The following CDH7 variants were observed in gnomAD, a reference collection of about 807,000 sequenced individuals.
CDH7 encodes cadherin-7.
CDH7 carries 25 observed loss-of-function variants against 71.8 expected under a neutral mutation model. The observed-to-expected ratio is 0.35, with a 90% CI of 0.25 to 0.49. The LOEUF is 0.49. CDH7 is among the 20% of genes least tolerant of loss of function. CDH7 has a pLI of 0.99. For synonymous variants in CDH7, 381 were observed against 363.8 expected, an observed-to-expected ratio of 1.05 and a Z score of -0.54; for missense variants, 862 against 974.6, an observed-to-expected ratio of 0.88 and a Z score of 1.54.
chr18:65,781,563 A>G (rs1378774749), intron 2 of CDH7, among the ~76,000 whole-genome samples: 2 of 152,164 alleles, frequency 1.3e-5, no homozygotes, highest in South Asian at 2.1e-4. Flanking sequence ...AAAAGGCTAC[A>G]TTGTTGGAGA....
intron 2 of CDH7, among the ~76,000 whole-genome samples, chr18:65,777,176 G>C (rs1598995764): frequency 6.6e-6 from 1 of 152,120 alleles, no homozygotes; most frequent in East Asian, 1.9e-4. Context: ...TGAAAGACCT[G>C]ATGCTGAAAG....
chr18:65,879,941 C>A (rs866924182), intron 11 of CDH7, among the ~76,000 whole-genome samples: 6 of 152,282 alleles, frequency 3.9e-5, no homozygotes, highest in Middle Eastern at 3.4e-3. Context: ...GTAGGCATTT[C>A]TTCAAAGAAC....
chr18:65,768,436 A>AT (rs931915570), intron 2 of CDH7, among the ~76,000 whole-genome samples: 1 of 152,114 alleles, frequency 6.6e-6, no homozygotes, highest in African/African-American at 2.4e-5. Flanking sequence ...GGGTTTCACC[A>AT]TGTAGGCCAG....
At position 65,887,589 on chromosome 18, in the gene CDH7, GTA is replaced by G. The variant is rs1459748627; in HGVS notation, c.*6697_*6698del. On this transcript the variant is annotated 3_prime_UTR_variant, in exon 12 of 12. Transcript: ENST00000397968. ...GTATTTGTCTTTGAATTTTGTGTGC[GTA>G]TGTGTGTGTGTATATATAGACAGCA... The G allele has an allele frequency of 6.6e-6, 1 of 152,032 alleles. No homozygotes were observed. Among genetic ancestry groups the G allele is most frequent in the African/African-American group, 2.4e-5 (1 of 41,390 alleles). 9.4% of individuals were successfully genotyped at this position (152,032 alleles called of 1,614,324 possible).
chr18:65,853,706 C>T (rs1913227610), intron 7 of CDH7, among the ~76,000 whole-genome samples: 1 of 151,582 alleles, frequency 6.6e-6, no homozygotes, highest in Non-Finnish European at 1.5e-5. Context: ...AAGTCAATAC[C>T]TTTCTGCAAA....
intron 7 of CDH7, among the ~76,000 whole-genome samples, chr18:65,850,605 TTATTATTATTA>T (rs869076763): frequency 1.4e-5 from 2 of 139,092 alleles, no homozygotes; most frequent in Non-Finnish European, 3.1e-5. Flanking sequence ...ATTATTATTA[TTATTATTATTA>T]TTCATATCTT....
At chr18:65,803,548 G>T (rs1216112115) in intron 2 of CDH7, 2 of 151,822 alleles carry the variant, frequency 1.3e-5, no homozygotes, top group South Asian at 2.1e-4. Context: ...TATAAATTAG[G>T]AATACTTCAA....
Position 65,774,181 on chromosome 18 carries a change from C to CTTA in CDH7, c.210+11145_210+11147dup, listed in dbSNP as rs146445056. On this transcript the variant is annotated intron_variant, in intron 2 of 11. Transcript: ENST00000397968. ...TCCCTCTATTAATACAAGCCATGATCTTATTATTATTATTATTACTGTTAT... is the reference window on the plus strand; with the variant it reads ...TCCCTCTATTAATACAAGCCATGATCTTATTATTATTATTATTATTACTGTTAT... 3.0e-4 allele frequency among the ~76,000 whole-genome samples: 46 copies of CTTA among 151,396 alleles called. No homozygotes were observed. In the East Asian group the frequency reaches 5.7e-3, roughly 19 times the overall value.
intron 11 of CDH7, 148 bp from the exon 12 acceptor site, chr18:65,880,253 C>G: frequency 1.3e-6 from 1 of 748,688 alleles, no homozygotes; most frequent in South Asian, 2.4e-5. Context: ...ACATCTACCG[C>G]TGTGAATCCT....
At chr18:65,869,527 T>G (rs2628203) in intron 11 of CDH7, among the ~76,000 whole-genome samples, 113,277 of 144,120 alleles carry the variant, frequency 0.79, 44,739 homozygotes, top group East Asian at 0.96. Context: ...CCTCTTCCCA[T>G]AATCTACAAG....
In CDH7 at chr18:65,794,900, C is replaced by T. The variant is rs570589853; in HGVS notation, c.211-14804C>T. Among the ~76,000 whole-genome samples, 9 of 152,236 alleles carry T rather than the reference C, an allele frequency of 5.9e-5. No homozygotes were observed. The South Asian group carries it at 1.9e-3, about 32-fold the overall frequency. On this transcript the variant is annotated intron_variant, in intron 2 of 11. Transcript: ENST00000397968. ...TAGGACGGTAATGCCTACCACAAAA[C>T]TTTGTCAGAAGAATTAAAGGTCCCT...
At chr18:65,804,698 A>ATGTGTGTGTGTG (rs1911248919) in intron 2 of CDH7, among the ~76,000 whole-genome samples, 3 of 38,776 alleles carry the variant, frequency 7.7e-5, no homozygotes, top group Non-Finnish European at 7.8e-5. Flanking sequence ...CCCTTAACAC[A>ATGTGTGTGTGTG]CGTGTGTGTG....
chr18:65,788,036 A>G (rs1293735917), intron 2 of CDH7, among the ~76,000 whole-genome samples: 3 of 152,140 alleles, frequency 2.0e-5, no homozygotes, highest in Non-Finnish European at 4.4e-5. Context: ...AAAAACATAT[A>G]TTAACTCTAA....
chr18:65,779,257 C>A (rs868363969), intron 2 of CDH7, among the ~76,000 whole-genome samples: 1 of 72,880 alleles, frequency 1.4e-5, no homozygotes. Flanking sequence ...AGAAAACATT[C>A]TTTTTTTTTT....
intron 2 of CDH7, among the ~76,000 whole-genome samples, chr18:65,764,109 T>C (rs1358001446): frequency 6.6e-6 from 1 of 152,126 alleles, no homozygotes; most frequent in Non-Finnish European, 1.5e-5. Context: ...AAATCAGTTT[T>C]TCAACTTTAA....
chr18:65,835,565 T>A (rs1912503104), intron 6 of CDH7, among the ~76,000 whole-genome samples: 1 of 152,176 alleles, frequency 6.6e-6, no homozygotes, highest in Non-Finnish European at 1.5e-5. Flanking sequence ...TGTCTTCAGG[T>A]CATAATGTGG....
At chr18:65,800,217 C>T (rs1401880141) in intron 2 of CDH7, among the ~76,000 whole-genome samples, 1 of 152,010 alleles carries the variant, frequency 6.6e-6, no homozygotes, top group Non-Finnish European at 1.5e-5. Flanking sequence ...GTAGCTGGGA[C>T]TACAGGTGCG....
chr18:65,863,260 A>G, intron 11 of CDH7: 1 of 258,654 alleles, frequency 3.9e-6, no homozygotes, highest in Non-Finnish European at 7.5e-6. Context: ...CTGGTCTTGA[A>G]CTCCTGACCT....
At chr18:65,814,357 A>T in intron 3 of CDH7, 128 bp from the exon 4 acceptor site, 1 of 989,112 alleles carries the variant, frequency 1.0e-6, no homozygotes, top group South Asian at 1.4e-5. Flanking sequence ...CCATTTTTTT[A>T]TGTGTCTTGA....
Sources: allele counts gnomAD v4.1 joint callset (sites outside exome capture counted in the v4.1 genomes callset), GRCh38; gene constraint gnomAD v4.1.1; transcripts MANE v1.5; gene names NCBI Gene and HGNC (gene_info 2026-07-23, HGNC 2026-07-21).